APBA1: variants seen among roughly 807,000 people sequenced by gnomAD.
APBA1 encodes the protein amyloid-beta A4 precursor protein-binding family A member 1.
A neutral mutation model predicts 86.6 loss-of-function variants in APBA1; 55 were observed. The ratio of observed to expected loss-of-function variants is 0.64; its 90% CI spans 0.51 to 0.80. The LOEUF is 0.80. APBA1 is among the 30% of genes least tolerant of loss of function. The probability of loss-of-function intolerance (pLI) is 0.00; values close to 1 mark genes in which losing one functional copy is unlikely to be tolerated. For missense variants in APBA1, 1,090 were observed against 1,183.0 expected, an observed-to-expected ratio of 0.92 and a Z score of 1.15; for synonymous variants, 511 against 493.9, an observed-to-expected ratio of 1.03 and a Z score of -0.46.
At chr9:69,439,844 A>T (rs1457394519) in intron 11 of APBA1, among the ~76,000 whole-genome samples, 2 of 152,194 alleles carry the variant, frequency 1.3e-5, no homozygotes, top group Non-Finnish European at 2.9e-5. Context: ...GTTCCTTTGC[A>T]GGAGGAGAGG....
At chr9:69,501,424 T>C (rs1249925840) in intron 2 of APBA1, among the ~76,000 whole-genome samples, 5 of 152,162 alleles carry the variant, frequency 3.3e-5, no homozygotes, top group Non-Finnish European at 5.9e-5. Context: ...GGGTTACATA[T>C]GAAATTCAAT....
chr9:69,624,613 A>G (rs1023962560), intron 1 of APBA1, among the ~76,000 whole-genome samples: 2 of 152,182 alleles, frequency 1.3e-5, no homozygotes, highest in African/African-American at 4.8e-5. Flanking sequence ...GACCTGCCTC[A>G]TTTGAAGACA....
intron 1 of APBA1, among the ~76,000 whole-genome samples, chr9:69,604,911 T>C (rs1588389877): frequency 6.7e-6 from 1 of 149,866 alleles, no homozygotes; most frequent in South Asian, 2.1e-4. Context: ...GGCACACGGG[T>C]ATGGGCACAC....
At chr9:69,454,354 C>A (rs989164993) in intron 8 of APBA1, among the ~76,000 whole-genome samples, 10 of 152,172 alleles carry the variant, frequency 6.6e-5, no homozygotes, top group Admixed American at 2.0e-4. Flanking sequence ...TGTGACCAGT[C>A]GACTTCCTGA....
chr9:69,609,106 G>A (rs1381983376), intron 1 of APBA1, among the ~76,000 whole-genome samples: 1 of 152,164 alleles, frequency 6.6e-6, no homozygotes, highest in Non-Finnish European at 1.5e-5. Flanking sequence ...TCATTAACAC[G>A]ATTTTTAAAT....
At chr9:69,630,357 C>G (rs771381241) in intron 1 of APBA1, among the ~76,000 whole-genome samples, 2 of 152,148 alleles carry the variant, frequency 1.3e-5, no homozygotes, top group African/African-American at 2.4e-5. Context: ...ATTGCTCCCC[C>G]TCTCTGCTAC....
At chr9:69,431,449 G>T in intron 12 of APBA1, 51 bp from the exon 13 acceptor site, 1 of 1,523,106 alleles carries the variant, frequency 6.6e-7, no homozygotes, top group African/African-American at 1.4e-5. Flanking sequence ...GGGGCTGGCT[G>T]CGTGGGCACT....
intron 1 of APBA1, among the ~76,000 whole-genome samples, chr9:69,567,055 G>T (rs1837038064): frequency 6.6e-6 from 1 of 152,126 alleles, no homozygotes; most frequent in Non-Finnish European, 1.5e-5. Flanking sequence ...ATACACTTCA[G>T]TACTGTTTGA....
Position 69,658,278 on chromosome 9 carries a change from T to TCTCTC in APBA1, c.-70+13874_-70+13875insGAGAG, listed in dbSNP as rs1564104886. 2.5e-3 allele frequency among the ~76,000 whole-genome samples: 167 copies of TCTCTC among 65,572 alleles called. 4 individuals carry two copies. In the Middle Eastern group the frequency reaches 0.035, roughly 14 times the overall value. The allele number at this position is 65,572 out of a possible 152,430, so 43.0% of individuals were successfully genotyped here. On this transcript the variant is annotated intron_variant, in intron 1 of 12. Transcript: ENST00000265381. ...TTTCTTTCTTTCTTTCTTTCTTTCT[T>TCTCTC]TCTTTCTCTCTCTCTTTCTCTCTCT...
In APBA1 at chr9:69,432,695, G is replaced by C. The variant is rs369333726; in HGVS notation, c.2302-19C>G. The stretch of plus-strand genomic sequence containing the variant: ...TGCAGATCTGCCAGAGTCAAAGGCA[G>C]AGTTACCCTCATTGCAGACAGTGCG... On this transcript the variant is annotated intron_variant, in intron 11 of 12. Coordinates refer to ENST00000265381, the MANE Select transcript of APBA1 (RefSeq NM_001163.4). 5 of 1,540,454 alleles carry C rather than the reference G, an allele frequency of 3.2e-6. No individual in the cohort carries two copies. Among genetic ancestry groups the C allele is most frequent in the Non-Finnish European group, 4.4e-6 (5 of 1,147,030 alleles).
intron 5 of APBA1, among the ~76,000 whole-genome samples, chr9:69,466,498 G>A (rs1055095167): frequency 6.6e-6 from 1 of 152,120 alleles, no homozygotes; most frequent in Non-Finnish European, 1.5e-5. Context: ...AGAGGTGTTC[G>A]CATCTGCAGG....
intron 1 of APBA1, among the ~76,000 whole-genome samples, chr9:69,602,962 A>G (rs1564089156): frequency 6.6e-6 from 1 of 152,242 alleles, no homozygotes; most frequent in Non-Finnish European, 1.5e-5. Flanking sequence ...TTCTTATCAA[A>G]AGACTTTTGG....
intron 1 of APBA1, among the ~76,000 whole-genome samples, chr9:69,538,457 C>G (rs928788068): frequency 6.6e-6 from 1 of 152,180 alleles, no homozygotes; most frequent in African/African-American, 2.4e-5. Context: ...CAGAAAGGTA[C>G]TTAGTGCTTT....
At position 69,431,300 on chromosome 9, in the gene APBA1, C is replaced by T. The variant is rs1416294186; in HGVS notation, c.*27G>A. 2 of 1,566,722 alleles carry T rather than the reference C, an allele frequency of 1.3e-6. No homozygotes were observed. The highest frequency in any genetic ancestry group is 1.7e-6 in the Non-Finnish European group (2 of 1,156,302). ...CACAACCACGAAGAGGAGAGTCCTC[C>T]ATGCATGCCACCGCGTGTGGCCGCG... On this transcript the variant is annotated 3_prime_UTR_variant, in exon 13 of 13. Transcript: ENST00000265381.
chr9:69,490,825 A>G (rs1588316310), intron 2 of APBA1, among the ~76,000 whole-genome samples: 1 of 152,162 alleles, frequency 6.6e-6, no homozygotes, highest in African/African-American at 2.4e-5. Context: ...AAAAGAAGAC[A>G]TTTATGTAGC....
At chr9:69,552,502 T>C (rs1304942523) in intron 1 of APBA1, among the ~76,000 whole-genome samples, 1 of 152,192 alleles carries the variant, frequency 6.6e-6, no homozygotes, top group Non-Finnish European at 1.5e-5. Context: ...AAACCCAAGC[T>C]GGGAAGATGA....
chr9:69,552,655 T>C (rs1451047189), intron 1 of APBA1, among the ~76,000 whole-genome samples: 2 of 152,364 alleles, frequency 1.3e-5, no homozygotes, highest in Admixed American at 6.5e-5. Flanking sequence ...AAGTGAGTAC[T>C]GTTTATACTG....
intron 1 of APBA1, among the ~76,000 whole-genome samples, chr9:69,602,166 C>T (rs1822362742): frequency 6.6e-6 from 1 of 152,040 alleles, no homozygotes; most frequent in Non-Finnish European, 1.5e-5. Flanking sequence ...ATTAACATTC[C>T]ATCAGATTAA....
intron 1 of APBA1, among the ~76,000 whole-genome samples, chr9:69,645,080 C>T (rs911688000): frequency 6.6e-6 from 1 of 152,074 alleles, no homozygotes; most frequent in Non-Finnish European, 1.5e-5. Flanking sequence ...CCAGAAGTCA[C>T]TGGATAGTTT....
Sources: gnomAD v4.1 joint callset for allele counts (sites outside exome capture counted in the v4.1 genomes callset) on GRCh38, gnomAD v4.1.1 for gene constraint, MANE v1.5 for transcripts, NCBI Gene and HGNC (gene_info 2026-07-23, HGNC 2026-07-21) for gene names.